The following NRP2 variants were observed in gnomAD, a reference collection of about 807,000 sequenced individuals.
NRP2 encodes the protein neuropilin-2.
A neutral mutation model predicts 110.4 loss-of-function variants in NRP2; 52 were observed. The ratio of observed to expected loss-of-function variants is 0.47; its 90% CI spans 0.38 to 0.59. The LOEUF (loss-of-function observed/expected upper bound fraction) is 0.59. NRP2 is among the 20% of genes least tolerant of loss of function. The pLI is 0.00. For missense variants in NRP2, 1,049 were observed against 1,203.0 expected, an observed-to-expected ratio of 0.87 and a Z score of 1.89; for synonymous variants, 508 against 468.9, an observed-to-expected ratio of 1.08 and a Z score of -1.08.
chr2:205,774,820 T>C (rs1295690786), intron 15 of NRP2, among the ~76,000 whole-genome samples: 1 of 152,186 alleles, frequency 6.6e-6, no homozygotes, highest in African/African-American at 2.4e-5. Flanking sequence ...CAGTGTTTGA[T>C]TCACCAAGCA....
At chr2:205,733,932 T>C (rs887086162) in intron 7 of NRP2, among the ~76,000 whole-genome samples, 1 of 151,994 alleles carries the variant, frequency 6.6e-6, no homozygotes, top group Non-Finnish European at 1.5e-5. Flanking sequence ...CCGCAGTAAA[T>C]CTAGCGGGCC....
At chr2:205,714,947 G>T (rs1160609223) in intron 2 of NRP2, among the ~76,000 whole-genome samples, 1 of 152,186 alleles carries the variant, frequency 6.6e-6, no homozygotes, top group Non-Finnish European at 1.5e-5. Context: ...GGATCCTTTG[G>T]CAGGCACATC....
At chr2:205,697,506 A>T in intron 1 of NRP2, 38 bp from the exon 2 acceptor site, 1 of 1,577,666 alleles carries the variant, frequency 6.3e-7, no homozygotes, top group Non-Finnish European at 8.7e-7. Context: ...AAGTTGTAAC[A>T]TATTTGAAGT....
chr2:205,731,629 C>T (rs1330896084), intron 7 of NRP2, among the ~76,000 whole-genome samples: 4 of 152,140 alleles, frequency 2.6e-5, no homozygotes, highest in Admixed American at 2.6e-4. Context: ...TGGGGATCTC[C>T]CTTGTTGACA....
intron 12 of NRP2, among the ~76,000 whole-genome samples, chr2:205,762,958 G>GATA (rs1413882838): frequency 3.3e-5 from 5 of 152,314 alleles, no homozygotes; most frequent in Middle Eastern, 3.4e-3. Context: ...CTTTGTTAAT[G>GATA]ATAATGACAG....
In NRP2 at chr2:205,706,296, C is replaced by T. The variant is rs563550361; in HGVS notation, c.251+8575C>T. On this transcript the variant is annotated intron_variant, in intron 2 of 16. Coordinates refer to ENST00000357785, the MANE Select transcript of NRP2 (RefSeq NM_003872.3). Reference sequence around the variant, plus strand: ...ACAGTCCGTGGCCGAGCTGTCAGGACGAAGCCAGACACACCGGAGAGTGAA... The same window carrying T: ...ACAGTCCGTGGCCGAGCTGTCAGGATGAAGCCAGACACACCGGAGAGTGAA... Among the ~76,000 whole-genome samples, 20 of 151,518 alleles carry T rather than the reference C, an allele frequency of 1.3e-4. No individual in the cohort carries two copies. The East Asian group carries it at 3.1e-3, about 24-fold the overall frequency.
chr2:205,792,708 C>A (rs1182686759), intron 16 of NRP2, among the ~76,000 whole-genome samples: 2 of 152,138 alleles, frequency 1.3e-5, no homozygotes, highest in African/African-American at 2.4e-5. Context: ...TTGGGGGAAA[C>A]CTTCCTCACA....
chr2:205,763,617 A>G lies in NRP2; in HGVS notation c.2045-57A>G. 6.2e-7 allele frequency: 1 copy of G among 1,610,332 alleles called. No individual in the cohort carries two copies. The highest frequency in any genetic ancestry group is 8.5e-7 in the Non-Finnish European group (1 of 1,177,576). ...TCCCTTGGAGAGGCCACAGCAGCACACTGGTGTCTTTCCCGAGTGTTTATG... is the reference window on the plus strand; with the variant it reads ...TCCCTTGGAGAGGCCACAGCAGCACGCTGGTGTCTTTCCCGAGTGTTTATG... On this transcript the variant is annotated intron_variant, in intron 12 of 16. Coordinates refer to ENST00000357785, the MANE Select transcript of NRP2 (RefSeq NM_003872.3). This position sits in a 1 kb window ranked among gnomAD's most constrained non-coding sequence, Gnocchi z 4.0.
chr2:205,792,787 T>G (rs1309380828), intron 16 of NRP2, among the ~76,000 whole-genome samples: 1 of 152,208 alleles, frequency 6.6e-6, no homozygotes, highest in African/African-American at 2.4e-5. Context: ...CCATCTCGTA[T>G]CTTTATATTT....
chr2:205,743,087 A>T (rs1194723125), intron 8 of NRP2, 116 bp from the exon 9 acceptor site: 20 of 1,585,762 alleles, frequency 1.3e-5, no homozygotes, highest in Non-Finnish European at 1.6e-5. Context: ...CAAAGAAATT[A>T]GTGCTGACTT....
At chr2:205,769,505 T>TACAC (rs56837273) in intron 15 of NRP2, among the ~76,000 whole-genome samples, 9,459 of 144,896 alleles carry the variant, frequency 0.065, 319 homozygotes, top group African/African-American at 0.084. Context: ...TATACATACA[T>TACAC]ACACACACAC....
intron 4 of NRP2, 100 bp downstream of exon 4, chr2:205,722,808 G>A: frequency 1.1e-6 from 1 of 948,568 alleles, no homozygotes; most frequent in Non-Finnish European, 1.7e-6. Flanking sequence ...AAGCTCCTAT[G>A]AGTTCTTATA....
intron 7 of NRP2, among the ~76,000 whole-genome samples, chr2:205,730,975 G>A (rs1001956725): frequency 2.6e-5 from 4 of 152,180 alleles, no homozygotes; most frequent in African/African-American, 7.2e-5. Context: ...TCATGAGGTC[G>A]CCTATGAGAA....
intron 7 of NRP2, among the ~76,000 whole-genome samples, chr2:205,732,674 A>G (rs1476266535): frequency 6.6e-6 from 1 of 152,150 alleles, no homozygotes; most frequent in Non-Finnish European, 1.5e-5. Context: ...AAAAAGTAAG[A>G]AGGCCCCATG....
chr2:205,714,954 C>A (rs2056865601), intron 2 of NRP2, among the ~76,000 whole-genome samples: 1 of 152,208 alleles, frequency 6.6e-6, no homozygotes, highest in Non-Finnish European at 1.5e-5. Flanking sequence ...TTGGCAGGCA[C>A]ATCCCACAGA....
intron 7 of NRP2, among the ~76,000 whole-genome samples, chr2:205,738,660 G>A (rs541896093): frequency 6.6e-5 from 10 of 151,940 alleles, no homozygotes; most frequent in Non-Finnish European, 1.5e-4. Context: ...ATCCACAATC[G>A]CTATACAGGA....
chr2:205,729,661 G>C (rs957296341), intron 7 of NRP2, among the ~76,000 whole-genome samples: 1 of 152,208 alleles, frequency 6.6e-6, no homozygotes, highest in Admixed American at 6.5e-5. Context: ...TGTTTTAAAA[G>C]CATGCAGATG....
At chr2:205,683,474 T>A in intron 1 of NRP2, 111 bp downstream of exon 1, 1 of 778,334 alleles carries the variant, frequency 1.3e-6, no homozygotes, top group Non-Finnish European at 2.2e-6. Flanking sequence ...CCCTCAGTAC[T>A]CAATAATTTA....
chr2:205,724,898 C>T (rs570486561), intron 5 of NRP2, among the ~76,000 whole-genome samples: 15 of 152,070 alleles, frequency 9.9e-5, no homozygotes, highest in Non-Finnish European at 2.2e-4. Flanking sequence ...AACTCCTGCC[C>T]TCAAGTGATC....
Sources: gnomAD v4.1 joint callset for allele counts (sites outside exome capture counted in the v4.1 genomes callset) on GRCh38, gnomAD v4.1.1 for gene constraint, Gnocchi (gnomAD v3.1) non-coding constraint, MANE v1.5 for transcripts, NCBI Gene and HGNC (gene_info 2026-07-23, HGNC 2026-07-21) for gene names.